EIF3E: variants seen among roughly 807,000 people sequenced by gnomAD.
EIF3E encodes the protein eukaryotic translation initiation factor 3 subunit E, also known as eIF-3 p48.
In EIF3E, 25 loss-of-function variants were observed where a neutral mutation model predicts 59.3. The ratio of observed to expected loss-of-function variants is 0.42; its 90% CI spans 0.31 to 0.59. The LOEUF is 0.59. EIF3E is among the 20% of genes least tolerant of loss of function. The pLI is 0.15. For missense variants in EIF3E, 317 were observed against 534.3 expected (o/e 0.59, Z 4.01); for synonymous variants, 176 against 170.2 (o/e 1.03, Z -0.26).
At chr8:108,209,993 T>C (rs766894435) in intron 10 of EIF3E, among the ~76,000 whole-genome samples, 3 of 152,122 alleles carry the variant, frequency 2.0e-5, no homozygotes, top group Non-Finnish European at 4.4e-5. Flanking sequence ...GGGGTCTTTT[T>C]ATCATTTCTT....
At chr8:108,211,469 G>A (rs748555216) in intron 10 of EIF3E, among the ~76,000 whole-genome samples, 12 of 152,030 alleles carry the variant, frequency 7.9e-5, no homozygotes, top group Non-Finnish European at 1.6e-4. Context: ...ATTTGTTTAG[G>A]TACTTTGTAG....
intron 7 of EIF3E, chr8:108,221,361 G>A (rs1315004049): frequency 6.6e-6 from 1 of 152,036 alleles, no homozygotes; most frequent in Non-Finnish European, 1.5e-5. Context: ...AATTCTGCTG[G>A]GATCTAATAT....
At chr8:108,221,250 A>G (rs138141821) in intron 7 of EIF3E, among the ~76,000 whole-genome samples, 16 of 152,278 alleles carry the variant, frequency 1.1e-4, no homozygotes, top group African/African-American at 3.4e-4. Flanking sequence ...CCCAGGCTCA[A>G]CTGATCCTCC....
At chr8:108,209,100 G>GAA (rs1317878072) in intron 10 of EIF3E, among the ~76,000 whole-genome samples, 1 of 151,780 alleles carries the variant, frequency 6.6e-6, no homozygotes, top group East Asian at 1.9e-4. Context: ...ATTACAAATA[G>GAA]AGTTATTTAA....
intron 10 of EIF3E, among the ~76,000 whole-genome samples, chr8:108,204,718 A>T (rs1471777108): frequency 7.3e-6 from 1 of 137,472 alleles, no homozygotes; most frequent in Non-Finnish European, 1.6e-5. Flanking sequence ...TATATACTAT[A>T]TATAGTATGT....
intron 1 of EIF3E, among the ~76,000 whole-genome samples, chr8:108,246,018 T>A (rs1450772971): frequency 6.6e-6 from 1 of 152,074 alleles, no homozygotes; most frequent in Non-Finnish European, 1.5e-5. Flanking sequence ...TGCATACCTA[T>A]GATAAAGTTT....
At chr8:108,217,874 A>C (rs1165439959) in intron 7 of EIF3E, among the ~76,000 whole-genome samples, 1 of 152,182 alleles carries the variant, frequency 6.6e-6, no homozygotes, top group African/African-American at 2.4e-5. Flanking sequence ...CAGCCACTTA[A>C]ATTAAATAAT....
At chr8:108,214,504 A>C in intron 10 of EIF3E, 103 bp downstream of exon 10, 1 of 860,124 alleles carries the variant, frequency 1.2e-6, no homozygotes, top group Non-Finnish European at 1.7e-6. Flanking sequence ...AAAATAAATA[A>C]AAATCCAATT....
intron 10 of EIF3E, among the ~76,000 whole-genome samples, chr8:108,208,504 A>C (rs1815146353): frequency 6.6e-6 from 1 of 152,122 alleles, no homozygotes; most frequent in African/African-American, 2.4e-5. Context: ...TTATGTGAAA[A>C]CTGAAAATTA....
chr8:108,214,565 A>T, intron 10 of EIF3E, 42 bp downstream of exon 10: 1 of 1,411,710 alleles, frequency 7.1e-7, no homozygotes, highest in Non-Finnish European at 9.5e-7. Flanking sequence ...ATTTCCAGGA[A>T]TTTTAAAGTA....
At chr8:108,239,860 A>G (rs922241595) in intron 3 of EIF3E, 98 bp downstream of exon 3, 2 of 967,066 alleles carry the variant, frequency 2.1e-6, no homozygotes, top group African/African-American at 3.3e-5. Flanking sequence ...CATTTAAACC[A>G]TGAACTTTTA....
At chr8:108,221,040 A>AAAGGAC (rs1397210784) in intron 7 of EIF3E, among the ~76,000 whole-genome samples, 2 of 151,990 alleles carry the variant, frequency 1.3e-5, no homozygotes, top group African/African-American at 4.8e-5. Context: ...ACAGACAGGA[A>AAAGGAC]AGGACAGGAC....
At chr8:108,227,947 A>G (rs1161568781) in intron 7 of EIF3E, 1 of 187,974 alleles carries the variant, frequency 5.3e-6, no homozygotes, top group Non-Finnish European at 1.1e-5. Context: ...TGATGTTTAC[A>G]TGAGTTACCT....
chr8:108,235,191 G>A (rs1038345616), intron 4 of EIF3E, 89 bp from the exon 5 acceptor site: 23 of 679,948 alleles, frequency 3.4e-5, no homozygotes, highest in Admixed American at 7.1e-5. Flanking sequence ...TCAAAACTAT[G>A]AATGTTTAAG....
intron 2 of EIF3E, among the ~76,000 whole-genome samples, chr8:108,241,474 A>G (rs548907356): frequency 6.6e-6 from 1 of 152,254 alleles, no homozygotes; most frequent in Middle Eastern, 3.4e-3. Context: ...CACACAATGC[A>G]CTAACTGAAA....
intron 1 of EIF3E, chr8:108,242,531 A>G (rs889918837): frequency 1.9e-5 from 22 of 1,172,746 alleles, no homozygotes; most frequent in Non-Finnish European, 2.4e-5. Context: ...GAAATGCTTC[A>G]GCAAAAGAAA....
chr8:108,206,661 C>T (rs991469826), intron 10 of EIF3E, among the ~76,000 whole-genome samples: 25 of 151,840 alleles, frequency 1.6e-4, no homozygotes, highest in Non-Finnish European at 2.2e-4. Flanking sequence ...CACGCACGCA[C>T]GTACAGTGGC....
intron 1 of EIF3E, chr8:108,242,801 A>G (rs1042615438): frequency 5.0e-6 from 2 of 396,968 alleles, no homozygotes; most frequent in Non-Finnish European, 7.0e-6. Flanking sequence ...AAAGGTTCTC[A>G]ACGTCATTAA....
intron 7 of EIF3E, among the ~76,000 whole-genome samples, chr8:108,219,930 G>C (rs1355101094): frequency 6.6e-6 from 1 of 152,138 alleles, no homozygotes; most frequent in African/African-American, 2.4e-5. Context: ...ATCACTTGAG[G>C]TCAGGAGTTT....
Sources: allele counts gnomAD v4.1 joint callset (sites outside exome capture counted in the v4.1 genomes callset), GRCh38; gene constraint gnomAD v4.1.1; transcripts MANE v1.5; gene names NCBI Gene and HGNC (gene_info 2026-07-23, HGNC 2026-07-21).